The following NAALADL2 variants were observed in gnomAD, a reference collection of about 807,000 sequenced individuals.
NAALADL2 encodes the protein N-acetylated alpha-linked acidic dipeptidase like 2, also known as inactive N-acetylated-alpha-linked acidic dipeptidase-like protein 2.
NAALADL2 carries 76 observed loss-of-function variants against 87.2 expected under a neutral mutation model. That is an observed-to-expected ratio of 0.87 (90% CI 0.72 to 1.05). The LOEUF (loss-of-function observed/expected upper bound fraction) is 1.05, where lower values mean the gene tolerates loss of function less well. Ranked by LOEUF, NAALADL2 falls within the 50% of genes least tolerant of loss-of-function variation. The pLI, the probability that NAALADL2 is intolerant of heterozygous loss-of-function variation, is 0.00. For synonymous variants in NAALADL2, 354 were observed against 331.0 expected (o/e 1.07, Z -0.75); for missense variants, 1,089 against 945.8 (o/e 1.15, Z -1.99).
intron 1 of NAALADL2, among the ~76,000 whole-genome samples, chr3:175,051,273 C>G (rs1200523283): frequency 1.3e-5 from 2 of 152,166 alleles, no homozygotes; most frequent in Admixed American, 1.3e-4. Context: ...CAAATGAACA[C>G]AAACTTAGTG....
At chr3:175,301,091 T>C (rs960823580) in intron 4 of NAALADL2, among the ~76,000 whole-genome samples, 1 of 152,138 alleles carries the variant, frequency 6.6e-6, no homozygotes, top group African/African-American at 2.4e-5. Flanking sequence ...TTCGTGTCTC[T>C]GTCTCTTTCA....
intron 1 of NAALADL2, among the ~76,000 whole-genome samples, chr3:174,947,831 A>G (rs1449198700): frequency 1.3e-5 from 2 of 151,874 alleles, no homozygotes; most frequent in Non-Finnish European, 2.9e-5. Context: ...CTAAATTATT[A>G]TAATTATTAT....
chr3:175,426,776 C>T (rs965859010), intron 5 of NAALADL2, among the ~76,000 whole-genome samples: 3 of 152,082 alleles, frequency 2.0e-5, no homozygotes, highest in Admixed American at 6.6e-5. Flanking sequence ...AGCTTTATCT[C>T]GTTTGCTATT....
At chr3:175,072,230 C>G (rs1385088602) in intron 1 of NAALADL2, among the ~76,000 whole-genome samples, 2 of 152,140 alleles carry the variant, frequency 1.3e-5, no homozygotes, top group African/African-American at 4.8e-5. Context: ...CCTGAATTCA[C>G]ATGTTTATCC....
In NAALADL2 at chr3:174,730,175, C is replaced by T. The variant is rs999721557; in HGVS notation, c.-114-7466C>T. ...CCTTCTAAGTAGGGATTATGTTTCC[C>T]TATGATTAATTATTTCTGGGTGAAA... On this transcript the variant is annotated intron_variant, in intron 2 of 3. Transcript: ENST00000434257. 2.6e-5 allele frequency among the ~76,000 whole-genome samples: 4 copies of T among 152,014 alleles called. No homozygotes were observed. The East Asian group carries it at 7.7e-4, about 29-fold the overall frequency.
intron 10 of NAALADL2, among the ~76,000 whole-genome samples, chr3:175,604,940 A>C (rs1020445695): frequency 6.6e-6 from 1 of 152,194 alleles, no homozygotes; most frequent in African/African-American, 2.4e-5. Flanking sequence ...GCTGATTAGC[A>C]TGAGTCCTAT....
intron 1 of NAALADL2, among the ~76,000 whole-genome samples, chr3:175,029,176 G>T (rs1194915706): frequency 6.6e-6 from 1 of 151,788 alleles, no homozygotes; most frequent in Admixed American, 6.6e-5. Flanking sequence ...GATGTATGGT[G>T]GAAAAACTAC....
At chr3:174,902,316 C>T (rs1354419941) in intron 1 of NAALADL2, among the ~76,000 whole-genome samples, 3 of 152,026 alleles carry the variant, frequency 2.0e-5, no homozygotes, top group Non-Finnish European at 4.4e-5. Flanking sequence ...TAACTCTTGC[C>T]TTGTGTTATA....
intron 1 of NAALADL2, among the ~76,000 whole-genome samples, chr3:174,983,828 G>C (rs145048344): frequency 6.6e-6 from 1 of 152,172 alleles, no homozygotes; most frequent in African/African-American, 2.4e-5. Context: ...TGGCTGACAA[G>C]TTGTTTACTA....
chr3:174,675,277 A>T (rs943710996), intron 2 of NAALADL2, among the ~76,000 whole-genome samples: 1 of 152,044 alleles, frequency 6.6e-6, no homozygotes, highest in African/African-American at 2.4e-5. Flanking sequence ...CTATTTAGGG[A>T]TGACATTTGC....
chr3:175,742,238 A>G (rs1339862383), intron 12 of NAALADL2, among the ~76,000 whole-genome samples: 1 of 152,156 alleles, frequency 6.6e-6, no homozygotes, highest in Non-Finnish European at 1.5e-5. Flanking sequence ...TAGCTATACT[A>G]TATAGAAATA....
chr3:175,027,795 G>A (rs1752389340), intron 1 of NAALADL2, among the ~76,000 whole-genome samples: 2 of 151,992 alleles, frequency 1.3e-5, no homozygotes, highest in Non-Finnish European at 2.9e-5. Context: ...CAGTGACCCA[G>A]GCCCATATTC....
At chr3:175,356,688 C>T (rs922209272) in intron 5 of NAALADL2, among the ~76,000 whole-genome samples, 11 of 151,426 alleles carry the variant, frequency 7.3e-5, no homozygotes, top group African/African-American at 2.7e-4. Flanking sequence ...CTTGAGAGTT[C>T]TAATTGATGT....
intron 1 of NAALADL2, among the ~76,000 whole-genome samples, chr3:174,502,551 T>C (rs1718961578): frequency 6.6e-6 from 1 of 152,202 alleles, no homozygotes; most frequent in Non-Finnish European, 1.5e-5. Flanking sequence ...AAGTGTAATT[T>C]TTATTAGTCA....
chr3:174,522,519 G>T (rs548164773), intron 1 of NAALADL2, among the ~76,000 whole-genome samples: 10 of 152,210 alleles, frequency 6.6e-5, no homozygotes, highest in Admixed American at 2.0e-4. Context: ...AATTACATGG[G>T]CATAGTGGTG....
chr3:175,796,337 C>T (rs1322484623), intron 13 of NAALADL2, among the ~76,000 whole-genome samples: 2 of 152,132 alleles, frequency 1.3e-5, no homozygotes, highest in East Asian at 3.9e-4. Context: ...AAAGGAGTCT[C>T]CACACACAGA....
chr3:175,412,913 T>TTATTATTAG (rs1378578658), intron 5 of NAALADL2, among the ~76,000 whole-genome samples: 41 of 144,262 alleles, frequency 2.8e-4, no homozygotes, highest in Admixed American at 1.3e-3. Context: ...ATTATTATTA[T>TTATTATTAG]TATTATTATT....
At chr3:175,506,211 T>A (rs1395413000) in intron 9 of NAALADL2, among the ~76,000 whole-genome samples, 1 of 151,910 alleles carries the variant, frequency 6.6e-6, no homozygotes, top group Non-Finnish European at 1.5e-5. Context: ...AGCTATGGAG[T>A]GGTGCTTCGG....
intron 11 of NAALADL2, among the ~76,000 whole-genome samples, chr3:175,659,455 C>G (rs1731955868): frequency 6.6e-6 from 1 of 152,070 alleles, no homozygotes; most frequent in Admixed American, 6.6e-5. Context: ...TCTTGGTAAC[C>G]AGCAGCAGCA....
Sources: allele counts gnomAD v4.1 joint callset (sites outside exome capture counted in the v4.1 genomes callset), GRCh38; gene constraint gnomAD v4.1.1; transcripts MANE v1.5; gene names NCBI Gene and HGNC (gene_info 2026-07-23, HGNC 2026-07-21).